Variants in PRAF2 observed in about 807,000 individuals in gnomAD.
PRAF2 encodes the protein PRA1 domain family member 2.
In PRAF2, 5 loss-of-function variants were observed where a neutral mutation model predicts 9.7. The observed-to-expected ratio is 0.51, with a 90% confidence interval of 0.27 to 1.08. The LOEUF (loss-of-function observed/expected upper bound fraction) is 1.08, where lower values mean the gene tolerates loss of function less well. Among genes scored for constraint, PRAF2 ranks in the 50% least tolerant of loss-of-function variants. The pLI is 0.12. For missense variants in PRAF2, 135 were observed against 160.7 expected, an observed-to-expected ratio of 0.84 and a Z score of 0.86; for synonymous variants, 61 against 76.6, an observed-to-expected ratio of 0.80 and a Z score of 1.06.
chrX:49,073,159 C>T (rs919264859), intron 1 of PRAF2, among the ~76,000 whole-genome samples: 1 of 110,856 alleles, frequency 9.0e-6, no homozygotes, highest in Non-Finnish European at 1.9e-5. Flanking sequence ...TCCAGGTCGT[C>T]AGCCCCACTC....
intron 2 of PRAF2, chrX:49,072,217 A>G (rs1454037170): frequency 1.7e-6 from 1 of 593,744 alleles, no homozygotes; most frequent in African/African-American, 2.3e-5. Flanking sequence ...TGGCCAGTGG[A>G]AGGCACTTAA....
rs2065020398 is a variant in PRAF2 at position 49,073,862 on chromosome X, G to A, written c.126C>T (p.Leu42=). The change falls in exon 1 of 3, where the codon CTC becomes CTT. Residue 42 remains leucine, a synonymous_variant. Transcript: ENST00000553851. ...RWCHRVINNL[L]YYQTNYLLCF... Reference sequence around the variant, plus strand: ...AGAGAAGGTAGTTGGTTTGGTAGTAGAGGAGGTTGTTGATGACGCGGTGGC... The same window carrying A: ...AGAGAAGGTAGTTGGTTTGGTAGTAAAGGAGGTTGTTGATGACGCGGTGGC... 8.3e-7 allele frequency: 1 copy of A among 1,211,466 alleles called. No homozygotes were observed. The highest frequency in any genetic ancestry group is 2.2e-5 in the Admixed American group (1 of 46,007).
At position 49,073,822 on chromosome X, in the gene PRAF2, G is replaced by GGCCGAT; in HGVS notation, c.160_165dup (p.Ile54_Gly55dup). ...TCCCTCCCTCACCCGGCGAGAGCGA[G>GGCCGAT]GCCGATGCCGAAGCAGAGAAGGTAG... is the stretch of plus-strand genomic sequence containing the variant. On this transcript the variant is annotated inframe_insertion, in exon 1 of 3. Transcript: ENST00000553851. 1.7e-6 allele frequency: 2 copies of GGCCGAT among 1,212,073 alleles called. No homozygotes were observed. The highest frequency in any genetic ancestry group is 2.2e-6 in the Non-Finnish European group (2 of 895,466).
intron 1 of PRAF2, 114 bp from the exon 2 acceptor site, chrX:49,072,764 GCAC>G: frequency 4.1e-6 from 3 of 727,447 alleles, no homozygotes; most frequent in Non-Finnish European, 6.1e-6. Context: ...CTCCAGCCTG[GCAC>G]ATCCTCCCAC....
At chrX:49,073,727 C>G (rs1169480622) in intron 1 of PRAF2, 82 bp downstream of exon 1, 4 of 1,123,723 alleles carry the variant, frequency 3.6e-6, no homozygotes, top group Non-Finnish European at 4.8e-6. Flanking sequence ...CCTCAGGTTC[C>G]CCGTCCTGGT....
chrX:49,071,791 G>C lies in PRAF2; in HGVS notation c.*78C>G. 1 of 1,093,688 alleles carries C rather than the reference G, an allele frequency of 9.1e-7. No homozygotes were observed. Among genetic ancestry groups the C allele is most frequent in the Non-Finnish European group, 1.2e-6 (1 of 830,939 alleles). 90.1% of individuals were successfully genotyped at this position (1,093,688 alleles called of 1,213,427 possible). A position where few individuals can be genotyped will look rare whatever the true frequency, so the allele number is the denominator to read the frequency against. ...GCTCTAGGCTCCTGTTTTAAGTGCT[G>C]GGAAAGGGCTCTGGGTCCCAATTAT... On this transcript the variant is annotated 3_prime_UTR_variant, in exon 3 of 3. Coordinates refer to ENST00000553851, the MANE Select transcript of PRAF2 (RefSeq NM_007213.3).
At chrX:49,072,171 G>A in intron 2 of PRAF2, 163 bp from the exon 3 acceptor site, 1 of 724,841 alleles carries the variant, frequency 1.4e-6, no homozygotes, top group Non-Finnish European at 2.0e-6. Flanking sequence ...TTGGCAACGT[G>A]GGCATGGCCA....
chrX:49,072,688 G>C, intron 1 of PRAF2, 38 bp from the exon 2 acceptor site: 1 of 1,138,197 alleles, frequency 8.8e-7, no homozygotes, highest in Non-Finnish European at 1.2e-6. Context: ...CGGCCGGGCG[G>C]AGAGACGGCC....
chrX:49,072,074 C>A, intron 2 of PRAF2, 66 bp from the exon 3 acceptor site: 1 of 1,139,398 alleles, frequency 8.8e-7, no homozygotes, highest in Non-Finnish European at 1.2e-6. Context: ...CCGGGGCCCA[C>A]CGAAGGGAAT....
chrX:49,072,764 G>T (rs781918328), intron 1 of PRAF2, 114 bp from the exon 2 acceptor site: 7 of 727,442 alleles, frequency 9.6e-6, no homozygotes, highest in Non-Finnish European at 1.4e-5. Flanking sequence ...CTCCAGCCTG[G>T]CACATCCTCC....
Position 49,072,491 on chromosome X carries a change from C to A in PRAF2, c.339G>T (p.Val113=). ...TGCAAGCGCCGCCCGCGACCCAGAGCACCAGGAGGCCGACGGCAAGCACTG... is the reference window on the plus strand; with the variant it reads ...TGCAAGCGCCGCCCGCGACCCAGAGAACCAGGAGGCCGACGGCAAGCACTG... ...LAAVLAVGLL[V]LWVAGGACTF... is the part of the protein sequence containing the mutation. The change falls in exon 2 of 3, where the codon GTG becomes GTT. Residue 113 remains valine, a synonymous_variant. Transcript: ENST00000553851. 1 of 1,194,077 alleles carries A rather than the reference C, an allele frequency of 8.4e-7. No homozygotes were observed. The highest frequency in any genetic ancestry group is 1.1e-6 in the Non-Finnish European group (1 of 887,132).
chrX:49,073,861 A>G lies in PRAF2; in HGVS notation c.127T>C (p.Tyr43His). The G allele has an allele frequency of 8.2e-7, 1 of 1,212,374 alleles. No individual in the cohort carries two copies. Among genetic ancestry groups the G allele is most frequent in the East Asian group, 3.0e-5 (1 of 33,843 alleles). Residue 43 changes from tyrosine (Y) to histidine (H), a missense_variant, in exon 1 of 3, where the codon TAC becomes CAC. By Grantham distance (83) the Tyr-to-His change is moderately conservative. Transcript: ENST00000553851. ...CAGAGAAGGTAGTTGGTTTGGTAGT[A>G]GAGGAGGTTGTTGATGACGCGGTGG... ...WCHRVINNLL[Y>H]YQTNYLLCFG...
intron 1 of PRAF2, among the ~76,000 whole-genome samples, 175 bp downstream of exon 1, chrX:49,073,634 G>A (rs1046386753): frequency 9.1e-6 from 1 of 110,388 alleles, no homozygotes; most frequent in Non-Finnish European, 1.9e-5. Flanking sequence ...TTATAACTAG[G>A]CTCCACCTCC....
Position 49,072,654 on chromosome X carries a change from C to T in PRAF2, c.180-4G>A. On this transcript the variant is annotated splice_region_variant and splice_polypyrimidine_tract_variant and intron_variant, in intron 1 of 2. Coordinates refer to ENST00000553851, the MANE Select transcript of PRAF2 (RefSeq NM_007213.3). ...CGTATGAAGTGGCCGCACGTACCTGCGGGTACAAGGGAACCAAGCTAGCCG... is the reference window on the plus strand; with the variant it reads ...CGTATGAAGTGGCCGCACGTACCTGTGGGTACAAGGGAACCAAGCTAGCCG... 3 of 1,163,833 alleles carry T rather than the reference C, an allele frequency of 2.6e-6. No homozygotes were observed. Among genetic ancestry groups the T allele is most frequent in the Non-Finnish European group, 3.4e-6 (3 of 871,740 alleles).
Position 49,071,840 on chromosome X carries a change from T to A in PRAF2, c.*29A>T, listed in dbSNP as rs1429663569. On this transcript the variant is annotated 3_prime_UTR_variant, in exon 3 of 3. Coordinates refer to ENST00000553851, the MANE Select transcript of PRAF2 (RefSeq NM_007213.3). ...ATGGGCTGGGGGTGGGGTGGTATTCTCCAGGTCCTGGGTACAGATCCCAGG... is the reference window on the plus strand; with the variant it reads ...ATGGGCTGGGGGTGGGGTGGTATTCACCAGGTCCTGGGTACAGATCCCAGG... The A allele has an allele frequency of 8.4e-7, 1 of 1,184,823 alleles. No homozygotes were observed. Among genetic ancestry groups the A allele is most frequent in the African/African-American group, 1.8e-5 (1 of 55,946 alleles).
intron 1 of PRAF2, among the ~76,000 whole-genome samples, 176 bp downstream of exon 1, chrX:49,073,633 G>C: frequency 9.1e-6 from 1 of 110,462 alleles, no homozygotes; most frequent in Non-Finnish European, 1.9e-5. Context: ...CTTATAACTA[G>C]GCTCCACCTC....
In PRAF2 at chrX:49,072,553, GGCGCACAGCT is replaced by G; in HGVS notation, c.267_276del (p.Val91AlafsTer40). On this transcript the variant is annotated frameshift_variant, in exon 2 of 3. Coordinates refer to ENST00000553851, the MANE Select transcript of PRAF2 (RefSeq NM_007213.3). LOFTEE classifies it high-confidence loss of function. ...GCTGCAGGGTGGCTGCGGCGGCAGCGGCGCACAGCTGCGCGGGTCTCAGCTGCCCACACCA... is the reference window on the plus strand; with the variant it reads ...GCTGCAGGGTGGCTGCGGCGGCAGCGGCGCGGGTCTCAGCTGCCCACACCA... 8.6e-7 allele frequency: 1 copy of G among 1,166,994 alleles called. No individual in the cohort carries two copies. Among genetic ancestry groups the G allele is most frequent in the African/African-American group, 1.8e-5 (1 of 56,602 alleles).
At chrX:49,073,606 A>T (rs1299231312) in intron 1 of PRAF2, among the ~76,000 whole-genome samples, 1 of 107,839 alleles carries the variant, frequency 9.3e-6, no homozygotes, top group African/African-American at 3.5e-5. Context: ...GCCAGGCTCC[A>T]TCTCCCTGAG....
rs782681305 is a variant in PRAF2, at chrX:49,073,926, C to G, written c.62G>C (p.Arg21Pro). Residue 21 changes from arginine to proline, a missense_variant, in exon 1 of 3, where the codon CGT (arginine) becomes CCT (proline). Transcript: ENST00000553851. ...GTCGCATGGATCCGGAGCCGCCAGACGCGCCGACCCCAGAACAAAGTCGTC... is the reference window on the plus strand; with the variant it reads ...GTCGCATGGATCCGGAGCCGCCAGAGGCGCCGACCCCAGAACAAAGTCGTC... ...ALDDFVLGSA[R>P]LAAPDPCDPQ... The G allele has an allele frequency of 5.0e-6, 6 of 1,210,208 alleles. No homozygotes were observed. The Middle Eastern group carries it at 9.2e-4, about 185-fold the overall frequency.
Sources: gnomAD v4.1 joint callset for allele counts (sites outside exome capture counted in the v4.1 genomes callset) on GRCh38, gnomAD v4.1.1 for gene constraint, MANE v1.5 for transcripts, NCBI Gene and HGNC (gene_info 2026-07-23, HGNC 2026-07-21) for gene names.